ANO6: variants seen among roughly 807,000 people sequenced by gnomAD.
The protein encoded by ANO6 is anoctamin 6.
A neutral mutation model predicts 117.5 loss-of-function variants in ANO6; 106 were observed. That is an observed-to-expected ratio of 0.90 (90% confidence interval 0.77 to 1.06). The LOEUF (loss-of-function observed/expected upper bound fraction) is 1.06, where lower values mean the gene tolerates loss of function less well. Ranked by LOEUF, ANO6 falls within the 50% of genes least tolerant of loss-of-function variation. The pLI is 0.00. For synonymous variants in ANO6, 367 were observed against 385.1 expected (o/e 0.95, Z 0.55); for missense variants, 955 against 1,121.1 (o/e 0.85, Z 2.12).
intron 1 of ANO6, among the ~76,000 whole-genome samples, chr12:45,300,393 G>A (rs1386746380): frequency 6.6e-6 from 1 of 152,104 alleles, no homozygotes; most frequent in African/African-American, 2.4e-5. Flanking sequence ...TTCCCAGGCT[G>A]GTCTCAAACT....
At chr12:45,241,406 C>A (rs1168772277) in intron 1 of ANO6, among the ~76,000 whole-genome samples, 1 of 152,192 alleles carries the variant, frequency 6.6e-6, no homozygotes, top group Non-Finnish European at 1.5e-5. Flanking sequence ...TCCATCAGGT[C>A]ATTTAAGGTC....
In ANO6 at chr12:45,421,180, T is replaced by C. The variant is rs935007740; in HGVS notation, c.2327T>C (p.Ile776Thr). 2 of 1,614,134 alleles carry C rather than the reference T, an allele frequency of 1.2e-6. No individual in the cohort carries two copies. The highest frequency in any genetic ancestry group is 3.3e-5 in the Admixed American group (2 of 60,006). ...DHTSYTMEGY[I>T]NNTLSIFKVA... ...ACTTCCTACACCATGGAAGGGTACA[T>C]CAACAACACTCTCTCCATCTTCAAA... The change falls in exon 18 of 20, where the codon ATC becomes ACC. Residue 776 changes from isoleucine to threonine, a missense_variant. Transcript: ENST00000320560.
At chr12:45,337,471 C>T (rs1940859893) in intron 3 of ANO6, among the ~76,000 whole-genome samples, 1 of 152,058 alleles carries the variant, frequency 6.6e-6, no homozygotes, top group South Asian at 2.1e-4. Flanking sequence ...CATATGTACA[C>T]TCTATGGTGT....
At position 45,253,008 on chromosome 12, in the gene ANO6, A is replaced by G. The variant is rs921930446; in HGVS notation, c.70+36617A>G. 2.0e-5 allele frequency among the ~76,000 whole-genome samples: 3 copies of G among 152,150 alleles called. No homozygotes were observed. The East Asian group carries it at 5.8e-4, about 29-fold the overall frequency. On this transcript the variant is annotated intron_variant, in intron 1 of 19. Transcript: ENST00000320560. ...GACTTCCTTGGGGACAGAAATCATC[A>G]CTGAATTTTTCTTGCTTACTCTCTG...
intron 10 of ANO6, among the ~76,000 whole-genome samples, chr12:45,386,557 T>C (rs7302251): frequency 0.13 from 20,413 of 152,162 alleles, 1,839 homozygotes; most frequent in East Asian, 0.46. Flanking sequence ...CTCAAGGATC[T>C]TGCTGCATCA....
chr12:45,317,131 A>ATATATATATG (rs1940068851), intron 2 of ANO6, among the ~76,000 whole-genome samples: 1 of 106,706 alleles, frequency 9.4e-6, no homozygotes, highest in East Asian at 2.4e-4. Flanking sequence ...ATATATATAT[A>ATATATATATG]TTTATTATAC....
chr12:45,326,632 T>G (rs1940475604), intron 2 of ANO6, among the ~76,000 whole-genome samples: 1 of 152,160 alleles, frequency 6.6e-6, no homozygotes, highest in Non-Finnish European at 1.5e-5. Context: ...TATTTCTCCC[T>G]TTTCCTTTTG....
chr12:45,385,065 G>A (rs1252652455), intron 10 of ANO6, among the ~76,000 whole-genome samples: 4 of 152,084 alleles, frequency 2.6e-5, no homozygotes, highest in African/African-American at 9.7e-5. Context: ...GTTTCTGGGT[G>A]GTTTCCTTCA....
In ANO6 at chr12:45,397,885, C is replaced by T. The variant is rs137879851; in HGVS notation, c.1387-3910C>T. 4.3e-4 allele frequency among the ~76,000 whole-genome samples: 66 copies of T among 152,078 alleles called. 1 individual carries two copies. In the East Asian group the frequency reaches 0.012, roughly 28 times the overall value. On this transcript the variant is annotated intron_variant, in intron 12 of 19. Coordinates refer to ENST00000320560, the MANE Select transcript of ANO6 (RefSeq NM_001025356.3). ...CATTAGGAGAAATACCTAATGTGAA[C>T]GATGAGTTGATGGGTGCAGCAAACC...
chr12:45,311,384 T>C (rs1939846232), intron 2 of ANO6, among the ~76,000 whole-genome samples: 1 of 152,046 alleles, frequency 6.6e-6, no homozygotes. Context: ...TGTCAAAAGG[T>C]TAATGAAAAT....
chr12:45,284,123 A>G (rs1287689063), intron 1 of ANO6, among the ~76,000 whole-genome samples: 1 of 152,246 alleles, frequency 6.6e-6, no homozygotes, highest in African/African-American at 2.4e-5. Flanking sequence ...TCAAGAAAGT[A>G]TAGACAGCCA....
intron 17 of ANO6, among the ~76,000 whole-genome samples, chr12:45,417,972 A>AAAATT (rs1943256943): frequency 6.6e-6 from 1 of 152,208 alleles, no homozygotes; most frequent in Non-Finnish European, 1.5e-5. Context: ...TATTATTTGT[A>AAAATT]AAATTATTAA....
At chr12:45,260,506 A>C (rs1297480166) in intron 1 of ANO6, among the ~76,000 whole-genome samples, 1 of 152,234 alleles carries the variant, frequency 6.6e-6, no homozygotes, top group Non-Finnish European at 1.5e-5. Flanking sequence ...ACTGTGGGTC[A>C]CACTTGGATT....
At chr12:45,256,569 G>A (rs952484878) in intron 1 of ANO6, 1 of 151,850 alleles carries the variant, frequency 6.6e-6, no homozygotes, top group Non-Finnish European at 1.5e-5. Flanking sequence ...TTAAGTAACT[G>A]ACAGAGAATA....
intron 9 of ANO6, among the ~76,000 whole-genome samples, chr12:45,374,018 G>A (rs1211098844): frequency 2.0e-5 from 3 of 151,944 alleles, no homozygotes; most frequent in African/African-American, 7.3e-5. Flanking sequence ...TGATAAAGGG[G>A]ATATCACCGC....
At chr12:45,357,988 A>G (rs1941457541) in intron 8 of ANO6, among the ~76,000 whole-genome samples, 1 of 152,260 alleles carries the variant, frequency 6.6e-6, no homozygotes, top group Non-Finnish European at 1.5e-5. Context: ...AAATTCAAAC[A>G]CCAGCTGCAC....
intron 10 of ANO6, among the ~76,000 whole-genome samples, chr12:45,383,659 A>T (rs1942223501): frequency 6.6e-6 from 1 of 152,222 alleles, no homozygotes; most frequent in South Asian, 2.1e-4. Flanking sequence ...GGGTGAGTGG[A>T]TGCATTGCCA....
intron 1 of ANO6, among the ~76,000 whole-genome samples, chr12:45,218,816 A>G (rs17095551): frequency 0.12 from 17,893 of 152,214 alleles, 1,509 homozygotes; most frequent in East Asian, 0.3. Flanking sequence ...TATTTACGCT[A>G]TTAACTAATA....
chr12:45,296,061 A>G (rs1334534370), intron 1 of ANO6, among the ~76,000 whole-genome samples: 1 of 151,948 alleles, frequency 6.6e-6, no homozygotes, highest in Non-Finnish European at 1.5e-5. Flanking sequence ...GGGTTTCACT[A>G]CATTGCCCAG....
Sources: allele counts gnomAD v4.1 joint callset (sites outside exome capture counted in the v4.1 genomes callset), GRCh38; gene constraint gnomAD v4.1.1; transcripts MANE v1.5; gene names NCBI Gene and HGNC (gene_info 2026-07-23, HGNC 2026-07-21).